CD8A: variants seen among roughly 807,000 people sequenced by gnomAD.
The protein encoded by CD8A is T-cell surface glycoprotein CD8 alpha chain.
In CD8A, 25 loss-of-function variants were observed where a neutral mutation model predicts 24.2. The ratio of observed to expected loss-of-function variants is 1.03; its 90% CI spans 0.75 to 1.44. The LOEUF is 1.44. Among genes scored for constraint, CD8A ranks in the 40% most tolerant of loss-of-function variants. The pLI is 0.00. For missense variants in CD8A, 360 were observed against 319.7 expected (o/e 1.13, Z -0.96); for synonymous variants, 165 against 149.9 (o/e 1.10, Z -0.74).
At chr2:86,797,689 T>TA (rs1193799238) in intron 3 of CD8A, among the ~76,000 whole-genome samples, 5 of 149,012 alleles carry the variant, frequency 3.4e-5, no homozygotes, top group African/African-American at 1.3e-4. Context: ...ATTCACTTTT[T>TA]TAAAAAAAAG....
rs1673185935 is a variant in CD8A, at chr2:86,789,695, C to A, written c.459G>T (p.Ala153=). The change falls in exon 3 of 6, where the codon GCG becomes GCT. Residue 153 remains alanine, a synonymous_variant. Transcript: ENST00000283635. ...CTGGGCGCAGGGACAGGGGCTGCGA[C>A]GCGATGGTGGGCGCCGGTGTTGGTG... ...PRPPTPAPTI[A]SQPLSLRPEA... The A allele has an allele frequency of 1.4e-6, 2 of 1,409,648 alleles. No homozygotes were observed. Among genetic ancestry groups the A allele is most frequent in the Middle Eastern group, 1.8e-4 (1 of 5,466 alleles). 87.3% of individuals were successfully genotyped at this position (1,409,648 alleles called of 1,614,324 possible). A position where few individuals can be genotyped will look rare whatever the true frequency, so the allele number is the denominator to read the frequency against.
At position 86,785,817 on chromosome 2, in the gene CD8A, A is replaced by T. The variant is rs2104426244; in HGVS notation, c.*103T>A. 1.1e-6 allele frequency: 1 copy of T among 871,416 alleles called. No homozygotes were observed. The highest frequency in any genetic ancestry group is 2.4e-5 in the East Asian group (1 of 41,616). The allele number at this position is 871,416 out of a possible 1,614,324, so 54.0% of individuals were successfully genotyped here. On this transcript the variant is annotated 3_prime_UTR_variant, in exon 6 of 6. Transcript: ENST00000283635. ...CCCCACTAAAATAATAATCATGAGAATGAATACACAGGGAGGAAGACTGGA... is the reference window on the plus strand; with the variant it reads ...CCCCACTAAAATAATAATCATGAGATTGAATACACAGGGAGGAAGACTGGA...
chr2:86,800,397 G>A (rs1673630766), intron 3 of CD8A, among the ~76,000 whole-genome samples: 1 of 149,582 alleles, frequency 6.7e-6, no homozygotes, highest in South Asian at 2.1e-4. Flanking sequence ...AGGAGGTGGA[G>A]GTAGCAGTGA....
At chr2:86,795,792 G>A (rs1558738045), upstream of CD8A, among the ~76,000 whole-genome samples, 1 of 152,106 alleles carries the variant, frequency 6.6e-6, no homozygotes, top group Non-Finnish European at 1.5e-5. Flanking sequence ...CTGACTGTGG[G>A]CCCTGGAAAG....
intron 2 of CD8A, among the ~76,000 whole-genome samples, chr2:86,807,033 C>CT (rs1230392021): frequency 6.6e-6 from 1 of 151,990 alleles, no homozygotes; most frequent in East Asian, 1.9e-4. Context: ...AGAGCCTTTA[C>CT]TGTGAGTAGG....
At chr2:86,793,254 C>T (rs1001803566), upstream of CD8A, among the ~76,000 whole-genome samples, 5 of 152,254 alleles carry the variant, frequency 3.3e-5, no homozygotes, top group East Asian at 1.9e-4. Context: ...GACATTTAGG[C>T]GATTTCTCAT....
intron 2 of CD8A, among the ~76,000 whole-genome samples, chr2:86,802,018 T>C (rs1237529058): frequency 6.6e-6 from 1 of 152,114 alleles, no homozygotes; most frequent in Non-Finnish European, 1.5e-5. Context: ...CAGTTTCCCC[T>C]AACAAAGGTT....
Position 86,785,076 on chromosome 2 carries a change from A to G in CD8A, c.*844T>C, listed in dbSNP as rs1241437296. 5 of 454,086 alleles carry G rather than the reference A, an allele frequency of 1.1e-5. No individual in the cohort carries two copies. Among genetic ancestry groups the G allele is most frequent in the Admixed American group, 9.4e-5 (4 of 42,584 alleles). 28.1% of individuals were successfully genotyped at this position (454,086 alleles called of 1,614,324 possible). ...TTCAAGAGGGCCTTAGTTTAACCTCACTGATGCTCAAATTCTATTTGTAAA... is the reference window on the plus strand; with the variant it reads ...TTCAAGAGGGCCTTAGTTTAACCTCGCTGATGCTCAAATTCTATTTGTAAA... On this transcript the variant is annotated 3_prime_UTR_variant, in exon 6 of 6. Transcript: ENST00000283635.
At chr2:86,788,931 C>T (rs1673137778) in intron 4 of CD8A, among the ~76,000 whole-genome samples, 1 of 152,148 alleles carries the variant, frequency 6.6e-6, no homozygotes, top group Non-Finnish European at 1.5e-5. Flanking sequence ...GGCGGTTCGC[C>T]GAAGAGGGCC....
upstream of CD8A, among the ~76,000 whole-genome samples, chr2:86,793,716 C>A (rs768201973): frequency 1.3e-5 from 2 of 152,226 alleles, no homozygotes; most frequent in Non-Finnish European, 2.9e-5. Flanking sequence ...GAGTCAACCT[C>A]CACCTATTTG....
chr2:86,790,903 G>T lies in CD8A; in HGVS notation c.-78C>A. The T allele has an allele frequency of 7.2e-7, 1 of 1,388,698 alleles. No individual in the cohort carries two copies. The allele number at this position is 1,388,698 out of a possible 1,614,324, so 86.0% of individuals were successfully genotyped here. A position where few individuals can be genotyped will look rare whatever the true frequency, so the allele number is the denominator to read the frequency against. ...GCGCGGGAGCCGGTGGGGCGCCGAG[G>T]GGGGAAAGTTGCGCCCTTCGGCCGG... On this transcript the variant is annotated 5_prime_UTR_variant, in exon 1 of 6. Transcript: ENST00000283635.
At chr2:86,791,568 TCTCCTGATCAGTC>T (rs1673312124), upstream of CD8A, 1 of 454,022 alleles carries the variant, frequency 2.2e-6, no homozygotes, top group Admixed American at 2.3e-5. Context: ...CACCAGTCTC[TCTCCTGATCAGTC>T]CTCCAGCCAC....
intron 2 of CD8A, among the ~76,000 whole-genome samples, 171 bp downstream of exon 2, chr2:86,790,157 C>T (rs1558735387): frequency 6.6e-6 from 1 of 152,242 alleles, no homozygotes; most frequent in Admixed American, 6.5e-5. Context: ...CATCCCCAGT[C>T]CCTACTCAGC....
At chr2:86,802,969 C>T (rs928940423) in intron 2 of CD8A, among the ~76,000 whole-genome samples, 6 of 151,972 alleles carry the variant, frequency 3.9e-5, no homozygotes, top group Non-Finnish European at 8.8e-5. Flanking sequence ...AAGTTAAGAA[C>T]TTTTTCTTGT....
At chr2:86,791,284 CT>C, upstream of CD8A, 1 of 364,008 alleles carries the variant, frequency 2.7e-6, no homozygotes, top group Non-Finnish European at 5.3e-6. Context: ...CACCTTGGGA[CT>C]TTTTATTGGC....
At chr2:86,786,563 C>T (rs1673003642) in intron 5 of CD8A, among the ~76,000 whole-genome samples, 1 of 152,198 alleles carries the variant, frequency 6.6e-6, no homozygotes, top group East Asian at 1.9e-4. Flanking sequence ...AGTATATTAA[C>T]TCGGGTGTTG....
intron 3 of CD8A, 69 bp from the exon 4 acceptor site, chr2:86,789,502 G>A: frequency 7.2e-7 from 1 of 1,394,410 alleles, no homozygotes; most frequent in Non-Finnish European, 1.0e-6. Context: ...ACCGTCCCGG[G>A]AACGTCTCTC....
At chr2:86,789,287 GC>G (rs1020665681) in intron 4 of CD8A, 35 bp downstream of exon 4, 1 of 1,357,692 alleles carries the variant, frequency 7.4e-7, no homozygotes, top group Non-Finnish European at 1.1e-6. Context: ...CAGGAGCGGG[GC>G]CGACTCCTTC....
Position 86,790,577 on chromosome 2 carries a change from A to T in CD8A, c.154T>A (p.Ser52Thr). The T allele has an allele frequency of 1.9e-6, 3 of 1,612,686 alleles. No homozygotes were observed. The highest frequency in any genetic ancestry group is 2.5e-6 in the Non-Finnish European group (3 of 1,179,908). The part of the protein sequence containing the change: ...KCQVLLSNPT[S>T]GCSWLFQPRG... ...GGCTGGAAGAGCCACGAGCAGCCCGACGTCGGGTTGGACAGCAGCACCTGG... is the reference window on the plus strand; with the variant it reads ...GGCTGGAAGAGCCACGAGCAGCCCGTCGTCGGGTTGGACAGCAGCACCTGG... Residue 52 changes from serine to threonine, a missense_variant, in exon 2 of 6, where the codon TCG becomes ACG. By Grantham distance (58) the Ser-to-Thr change is moderately conservative. Transcript: ENST00000283635.
Sources: allele counts gnomAD v4.1 joint callset (sites outside exome capture counted in the v4.1 genomes callset), GRCh38; gene constraint gnomAD v4.1.1; transcripts MANE v1.5; gene names NCBI Gene and HGNC (gene_info 2026-07-23, HGNC 2026-07-21).